Variants in NIPBL observed in about 807,000 individuals in gnomAD.
The protein encoded by NIPBL is nipped-B-like protein.
A neutral mutation model predicts 321.8 loss-of-function variants in NIPBL; 19 were observed. The observed-to-expected ratio is 0.06, with a 90% CI of 0.04 to 0.09. The LOEUF (loss-of-function observed/expected upper bound fraction) is 0.09, where lower values mean the gene tolerates loss of function less well. NIPBL is among the 10% of genes least tolerant of loss of function. The probability of loss-of-function intolerance (pLI) is 1.00; values close to 1 mark genes in which losing one functional copy is unlikely to be tolerated. For synonymous variants in NIPBL, 1,106 were observed against 1,114.1 expected, an observed-to-expected ratio of 0.99 and a Z score of 0.14; for missense variants, 2,210 against 3,327.0, an observed-to-expected ratio of 0.66 and a Z score of 8.26.
intron 31 of NIPBL, among the ~76,000 whole-genome samples, chr5:37,026,734 A>C (rs1750311057): frequency 6.6e-6 from 1 of 152,148 alleles, no homozygotes; most frequent in Non-Finnish European, 1.5e-5. Context: ...TTGTGTTTTT[A>C]ATATAAGAAA....
intron 1 of NIPBL, among the ~76,000 whole-genome samples, chr5:36,936,731 A>G (rs977254824): frequency 3.3e-5 from 5 of 152,116 alleles, no homozygotes; most frequent in African/African-American, 1.2e-4. Flanking sequence ...AGTAAGTCTG[A>G]TTGATTAACC....
chr5:37,046,313 AT>A, intron 38 of NIPBL, 114 bp downstream of exon 38: 1 of 696,340 alleles, frequency 1.4e-6, no homozygotes, highest in Non-Finnish European at 2.6e-6. Context: ...TAGCAGTAGG[AT>A]TTGGTGTATA....
At chr5:36,970,643 G>T (rs1186418780) in intron 6 of NIPBL, among the ~76,000 whole-genome samples, 1 of 151,828 alleles carries the variant, frequency 6.6e-6, no homozygotes, top group Admixed American at 6.6e-5. Context: ...ATAGAGGAGA[G>T]AAATAACAGA....
chr5:36,962,903 G>A (rs1346777135), intron 6 of NIPBL, among the ~76,000 whole-genome samples: 1 of 152,052 alleles, frequency 6.6e-6, no homozygotes. Flanking sequence ...TTAAGCATTT[G>A]CAGATTTTGG....
intron 27 of NIPBL, 49 bp from the exon 28 acceptor site, chr5:37,022,002 A>C: frequency 7.2e-7 from 1 of 1,391,832 alleles, no homozygotes; most frequent in East Asian, 2.4e-5. Context: ...TTTTTAATTA[A>C]ATTTTATGTA....
At chr5:37,038,026 GTC>G (rs1751912631) in intron 33 of NIPBL, among the ~76,000 whole-genome samples, 1 of 118,040 alleles carries the variant, frequency 8.5e-6, no homozygotes, top group Non-Finnish European at 1.6e-5. Context: ...GTCTCACTCT[GTC>G]ACCCAGGCTG....
intron 1 of NIPBL, among the ~76,000 whole-genome samples, chr5:36,913,920 A>G (rs1460378728): frequency 1.3e-5 from 2 of 152,244 alleles, no homozygotes; most frequent in African/African-American, 4.8e-5. Flanking sequence ...AGAATGGGAT[A>G]TAATCTCAGT....
intron 1 of NIPBL, among the ~76,000 whole-genome samples, chr5:36,927,406 G>A (rs1749445750): frequency 2.0e-5 from 3 of 152,128 alleles, no homozygotes; most frequent in Admixed American, 2.0e-4. Flanking sequence ...CAAAAAGAGT[G>A]ACATGATCCA....
intron 38 of NIPBL, 114 bp downstream of exon 38, chr5:37,046,313 ATT>A: frequency 1.4e-6 from 1 of 696,340 alleles, no homozygotes; most frequent in South Asian, 1.6e-5. Context: ...TAGCAGTAGG[ATT>A]TGGTGTATAG....
chr5:37,016,262 T>C, intron 23 of NIPBL, 92 bp downstream of exon 23: 5 of 1,287,984 alleles, frequency 3.9e-6, no homozygotes, highest in Non-Finnish European at 5.6e-6. Context: ...TCTTTAAAAA[T>C]GTGTAAGGAA....
In NIPBL at chr5:36,876,922, G is replaced by T. The variant is rs1217429884; in HGVS notation, c.-336G>T. ...CCCGCCGACAGGAGAATTGGTTCCC[G>T]GGCCCGCGGCGATGCCCCCCCGGTA... is the stretch of plus-strand genomic sequence containing the variant. On this transcript the variant is annotated 5_prime_UTR_variant, in exon 1 of 47. Coordinates refer to ENST00000282516, the MANE Select transcript of NIPBL (RefSeq NM_133433.4). The T allele has an allele frequency of 8.2e-6, 3 of 364,666 alleles. No individual in the cohort carries two copies. The highest frequency in any genetic ancestry group is 1.5e-5 in the Non-Finnish European group (3 of 205,788). 22.6% of individuals were successfully genotyped at this position (364,666 alleles called of 1,614,324 possible).
chr5:37,029,526 T>C (rs1750710841), intron 32 of NIPBL, among the ~76,000 whole-genome samples: 1 of 152,214 alleles, frequency 6.6e-6, no homozygotes, highest in East Asian at 1.9e-4. Context: ...CTTCTGTGAA[T>C]ATTGGTGTGT....
chr5:36,951,961 G>A (rs986563871), intron 1 of NIPBL, among the ~76,000 whole-genome samples: 2 of 150,904 alleles, frequency 1.3e-5, no homozygotes, highest in African/African-American at 4.9e-5. Context: ...GAAGGAACCA[G>A]AATGCTAGCC....
At chr5:36,964,161 A>C (rs1337360061) in intron 6 of NIPBL, among the ~76,000 whole-genome samples, 6 of 152,162 alleles carry the variant, frequency 3.9e-5, no homozygotes, top group South Asian at 4.1e-4. Context: ...GTTATTCTAA[A>C]TAAAAAAATT....
chr5:37,013,762 G>A (rs1376438246), intron 21 of NIPBL, among the ~76,000 whole-genome samples: 2 of 152,006 alleles, frequency 1.3e-5, no homozygotes, highest in African/African-American at 2.4e-5. Context: ...CATCCCAGAC[G>A]ATGGGCGGCC....
intron 42 of NIPBL, among the ~76,000 whole-genome samples, chr5:37,052,836 TTAAA>T (rs1753713777): frequency 6.6e-6 from 1 of 152,214 alleles, no homozygotes; most frequent in African/African-American, 2.4e-5. Context: ...AAGCGTATCT[TTAAA>T]TAAGCAACAT....
intron 1 of NIPBL, chr5:36,886,108 G>A (rs531892527): frequency 6.0e-6 from 4 of 672,030 alleles, no homozygotes; most frequent in Admixed American, 1.9e-5. Context: ...TGAGACATAC[G>A]GTCCAGTCCT....
At chr5:36,880,897 T>A (rs1390646469) in intron 1 of NIPBL, among the ~76,000 whole-genome samples, 2 of 152,002 alleles carry the variant, frequency 1.3e-5, no homozygotes, top group African/African-American at 4.8e-5. Context: ...GACCATATGA[T>A]TTGTGTAGAT....
intron 1 of NIPBL, among the ~76,000 whole-genome samples, chr5:36,945,934 A>C (rs1739617126): frequency 6.6e-6 from 1 of 152,140 alleles, no homozygotes; most frequent in Non-Finnish European, 1.5e-5. Context: ...TTAAAATAGT[A>C]AGTAGTACCA....
Sources: allele counts gnomAD v4.1 joint callset (sites outside exome capture counted in the v4.1 genomes callset), GRCh38; gene constraint gnomAD v4.1.1; transcripts MANE v1.5; gene names NCBI Gene and HGNC (gene_info 2026-07-23, HGNC 2026-07-21).